The following PIEZO2 variants were observed in gnomAD, a reference collection of about 807,000 sequenced individuals.
PIEZO2 encodes piezo type mechanosensitive ion channel component 2.
A neutral mutation model predicts 337.3 loss-of-function variants in PIEZO2; 172 were observed. The observed-to-expected ratio is 0.51, with a 90% CI of 0.45 to 0.58. The LOEUF (loss-of-function observed/expected upper bound fraction) is 0.58. PIEZO2 is among the 20% of genes least tolerant of loss of function. PIEZO2 has a pLI of 0.00. For missense variants in PIEZO2, 3,028 were observed against 3,391.3 expected (o/e 0.89, Z 2.66); for synonymous variants, 1,251 against 1,228.5 (o/e 1.02, Z -0.38).
chr18:10,764,539 G>A (rs1568032569), intron 21 of PIEZO2, among the ~76,000 whole-genome samples: 2 of 149,842 alleles, frequency 1.3e-5, no homozygotes, highest in South Asian at 4.2e-4. Flanking sequence ...TACAGTGGCC[G>A]AGATCGTGCC....
At chr18:10,961,123 G>T (rs1032169582) in intron 3 of PIEZO2, among the ~76,000 whole-genome samples, 3 of 151,812 alleles carry the variant, frequency 2.0e-5, no homozygotes, top group African/African-American at 7.3e-5. Flanking sequence ...AGAGCTTGCA[G>T]TGAGCCAAGA....
intron 4 of PIEZO2, among the ~76,000 whole-genome samples, chr18:10,889,140 C>T (rs537012231): frequency 6.6e-6 from 1 of 152,338 alleles, no homozygotes; most frequent in Non-Finnish European, 1.5e-5. Context: ...CACAGGTCCA[C>T]CCAGGTGTGC....
intron 7 of PIEZO2, among the ~76,000 whole-genome samples, chr18:10,814,902 C>A (rs1028003807): frequency 6.6e-6 from 1 of 152,084 alleles, no homozygotes; most frequent in African/African-American, 2.4e-5. Flanking sequence ...GTAAGCGAGT[C>A]CTGGTTCAGA....
chr18:10,885,285 G>T (rs924631758), intron 4 of PIEZO2, among the ~76,000 whole-genome samples: 1 of 152,086 alleles, frequency 6.6e-6, no homozygotes, highest in African/African-American at 2.4e-5. Flanking sequence ...TTAGCTGGGC[G>T]TGGTGGCAGG....
rs998116301 is a variant in PIEZO2 at position 10,705,648 on chromosome 18, G to A, written c.5687C>T (p.Ala1896Val). 3.2e-5 allele frequency: 49 copies of A among 1,537,078 alleles called. No homozygotes were observed. The highest frequency in any genetic ancestry group is 1.1e-4 in the South Asian group (9 of 84,044). The change falls in exon 41 of 56, where the codon GCG becomes GTG. Residue 1896 changes from alanine (A) to valine (V), a missense_variant. Transcript: ENST00000674853. ...CTCCTTGGCCTCCCTGGGCTCAGGC[G>A]CCGTGCTCCCTGCCTCCTCCTCCTG... Reference protein sequence around the residue: ...AEQEEEAGSTAPEPREAKEYE... With the variant: ...AEQEEEAGSTVPEPREAKEYE...
Position 11,094,307 on chromosome 18 carries a change from A to C in PIEZO2, c.65-28085T>G, listed in dbSNP as rs894798642. 2.6e-5 allele frequency among the ~76,000 whole-genome samples: 4 copies of C among 152,116 alleles called. No individual in the cohort carries two copies. The highest frequency in any genetic ancestry group is 9.7e-5 in the African/African-American group (4 of 41,422). ...AGCCATTTATCATTGAAATTTTACA[A>C]ATGGGGAAGCTGAGGCGAAGTGATT... On this transcript the variant is annotated intron_variant, in intron 1 of 55. Coordinates refer to ENST00000674853, the MANE Select transcript of PIEZO2 (RefSeq NM_001378183.1). This position sits in a 1 kb window ranked among gnomAD's most constrained non-coding sequence, Gnocchi z 4.4.
chr18:10,757,181 T>C (rs1304524700), intron 27 of PIEZO2, among the ~76,000 whole-genome samples: 2 of 137,718 alleles, frequency 1.5e-5, no homozygotes, highest in African/African-American at 2.8e-5. Flanking sequence ...TGGATACGAA[T>C]GAGGGATAGA....
chr18:10,725,231 A>G (rs1330822302), intron 36 of PIEZO2: 9 of 1,569,562 alleles, frequency 5.7e-6, no homozygotes, highest in South Asian at 5.5e-5. Context: ...GGAACCTACG[A>G]ACACTTTGAG....
chr18:10,978,522 T>C (rs1235383692), intron 3 of PIEZO2, among the ~76,000 whole-genome samples: 5 of 152,316 alleles, frequency 3.3e-5, no homozygotes, highest in Admixed American at 1.3e-4. Flanking sequence ...AATGGCTGGA[T>C]TGAACACTAA....
rs1383486548 is a variant in PIEZO2 at position 10,943,030 on chromosome 18, G to A, written c.287-31802C>T. Among the ~76,000 whole-genome samples the A allele has an allele frequency of 6.6e-6, 1 of 152,180 alleles. No individual in the cohort carries two copies. The highest frequency in any genetic ancestry group is 1.5e-5 in the Non-Finnish European group (1 of 68,032). On this transcript the variant is annotated intron_variant, in intron 3 of 55. Coordinates refer to ENST00000674853, the MANE Select transcript of PIEZO2 (RefSeq NM_001378183.1). The surrounding 1 kb of genome is among the most constrained non-coding windows in gnomAD (Gnocchi z 4.5). ...GCGAGTGCACAAAAGTAAAGAACTG[G>A]GGTTTGGGAACCTCCACCTAGATTT...
At chr18:11,100,756 T>C (rs534527156) in intron 1 of PIEZO2, among the ~76,000 whole-genome samples, 30 of 152,020 alleles carry the variant, frequency 2.0e-4, no homozygotes, top group Non-Finnish European at 2.9e-4. Flanking sequence ...CCACCACGCC[T>C]GGCTAATTTT....
rs2035887772 is a variant in PIEZO2 at position 10,713,223 on chromosome 18, C to T, written c.5423+1541G>A. On this transcript the variant is annotated intron_variant, in intron 39 of 55. Transcript: ENST00000674853. The surrounding 1 kb of genome is among the most constrained non-coding windows in gnomAD (Gnocchi z 4.5). Reference sequence around the variant, plus strand: ...TACTGTGTATATATATCACAAAGATCTTTTCATACCAATAAATATGGATCT... The same window carrying T: ...TACTGTGTATATATATCACAAAGATTTTTTCATACCAATAAATATGGATCT... 6.6e-6 allele frequency among the ~76,000 whole-genome samples: 1 copy of T among 152,034 alleles called. No individual in the cohort carries two copies. Among genetic ancestry groups the T allele is most frequent in the Non-Finnish European group, 1.5e-5 (1 of 68,014 alleles).
Position 10,895,141 on chromosome 18 carries a change from T to A in PIEZO2, c.329+16045A>T, listed in dbSNP as rs2042859928. ...GGCTTCTAGCTCCCACCAGGTTATT[T>A]GGTAGAAAGTCAACAGCCTCATGGC... On this transcript the variant is annotated intron_variant, in intron 4 of 55. Transcript: ENST00000674853. The surrounding 1 kb of genome is among the most constrained non-coding windows in gnomAD (Gnocchi z 4.8). Among the ~76,000 whole-genome samples, 1 of 152,106 alleles carries A rather than the reference T, an allele frequency of 6.6e-6. No homozygotes were observed. The highest frequency in any genetic ancestry group is 2.1e-4 in the South Asian group (1 of 4,822).
chr18:10,990,729 C>T (rs2035057041), intron 2 of PIEZO2, among the ~76,000 whole-genome samples: 1 of 146,968 alleles, frequency 6.8e-6, no homozygotes, highest in South Asian at 2.2e-4. Context: ...ACACACACCC[C>T]TATATAGAAG....
rs1179898857 is a variant in PIEZO2, at chr18:10,953,030, CT to C, written c.286+26504del. On this transcript the variant is annotated intron_variant, in intron 3 of 55. Transcript: ENST00000674853. This position sits in a 1 kb window ranked among gnomAD's most constrained non-coding sequence, Gnocchi z 5.2. ...ATCTTTTAATGTGTTTATTCATCATCTGTATATCTTCTTTGGTAAAGTGTCT... is the reference window on the plus strand; with the variant it reads ...ATCTTTTAATGTGTTTATTCATCATCGTATATCTTCTTTGGTAAAGTGTCT... 6.6e-6 allele frequency among the ~76,000 whole-genome samples: 1 copy of C among 151,890 alleles called. No homozygotes were observed. The highest frequency in any genetic ancestry group is 1.5e-5 in the Non-Finnish European group (1 of 67,978).
In PIEZO2 at chr18:10,751,350, A is replaced by C. The variant is rs140929762; in HGVS notation, c.4168-1163T>G. Reference sequence around the variant, plus strand: ...GGCTGTGAAATCAGCCTCTGGCAACAGATTCCTCACCATCAGACTGGCTTT... The same window carrying C: ...GGCTGTGAAATCAGCCTCTGGCAACCGATTCCTCACCATCAGACTGGCTTT... On this transcript the variant is annotated intron_variant, in intron 28 of 55. Coordinates refer to ENST00000674853, the MANE Select transcript of PIEZO2 (RefSeq NM_001378183.1). Among the ~76,000 whole-genome samples the C allele has an allele frequency of 3.3e-4, 50 of 152,334 alleles. No homozygotes were observed. The East Asian group carries it at 7.5e-3, about 23-fold the overall frequency.
chr18:10,970,353 C>G (rs893248078), intron 3 of PIEZO2, among the ~76,000 whole-genome samples: 3 of 152,214 alleles, frequency 2.0e-5, no homozygotes, highest in Non-Finnish European at 4.4e-5. Flanking sequence ...TACAGAAATA[C>G]AGCTTTCCTG....
At chr18:10,770,555 G>A (rs940738237) in intron 20 of PIEZO2, among the ~76,000 whole-genome samples, 1 of 149,082 alleles carries the variant, frequency 6.7e-6, no homozygotes, top group Non-Finnish European at 1.5e-5. Context: ...TTAGTGTAAA[G>A]AAGGATTTTG....
chr18:10,801,459 G>C (rs2039812614), intron 9 of PIEZO2, 31 bp from the exon 10 acceptor site: 1 of 1,480,900 alleles, frequency 6.8e-7, no homozygotes, highest in Non-Finnish European at 9.1e-7. Context: ...AAGCATGTTA[G>C]TAAGGAAGCT....
Sources: allele counts gnomAD v4.1 joint callset (sites outside exome capture counted in the v4.1 genomes callset), GRCh38; gene constraint gnomAD v4.1.1; non-coding constraint Gnocchi (gnomAD v3.1); transcripts MANE v1.5; gene names NCBI Gene and HGNC (gene_info 2026-07-23, HGNC 2026-07-21).